GMDS: variants seen among roughly 807,000 people sequenced by gnomAD.
The protein encoded by GMDS is GDP-mannose 4,6 dehydratase.
A neutral mutation model predicts 49.9 loss-of-function variants in GMDS; 20 were observed. That is an observed-to-expected ratio of 0.40 (90% CI 0.28 to 0.58). GMDS has a LOEUF of 0.58. GMDS is among the 20% of genes least tolerant of loss of function. The pLI is 0.42. For synonymous variants in GMDS, 177 were observed against 178.6 expected (o/e 0.99, Z 0.07); for missense variants, 362 against 481.4 (o/e 0.75, Z 2.32).
At chr6:2,122,199 T>C (rs1168184732) in intron 2 of GMDS, among the ~76,000 whole-genome samples, 1 of 152,212 alleles carries the variant, frequency 6.6e-6, no homozygotes, top group East Asian at 1.9e-4. Flanking sequence ...ATCAATCACC[T>C]GATCTCATCT....
At chr6:2,046,073 G>GTC (rs1769995314) in intron 4 of GMDS, among the ~76,000 whole-genome samples, 1 of 152,004 alleles carries the variant, frequency 6.6e-6, no homozygotes, top group Non-Finnish European at 1.5e-5. Context: ...GCCAGGAGTG[G>GTC]TCACACACAC....
intron 9 of GMDS, among the ~76,000 whole-genome samples, chr6:1,641,710 C>T (rs912851249): frequency 6.4e-5 from 9 of 140,150 alleles, no homozygotes; most frequent in Non-Finnish European, 1.5e-5. Context: ...TGATTTCTCT[C>T]TCTCTCTCTC....
At chr6:2,235,571 T>G (rs1199346747) in intron 1 of GMDS, among the ~76,000 whole-genome samples, 1 of 151,546 alleles carries the variant, frequency 6.6e-6, no homozygotes, top group Non-Finnish European at 1.5e-5. Flanking sequence ...TTGGAGAGGT[T>G]GAGATGGTAG....
At chr6:1,960,090 A>G (rs1581423926) in intron 5 of GMDS, 119 bp from the exon 6 acceptor site, 1 of 546,924 alleles carries the variant, frequency 1.8e-6, no homozygotes, top group Admixed American at 3.5e-5. Flanking sequence ...AATACAAAAA[A>G]GTATCAAAAC....
At chr6:2,167,014 C>T (rs888646233) in intron 1 of GMDS, among the ~76,000 whole-genome samples, 1 of 152,194 alleles carries the variant, frequency 6.6e-6, no homozygotes, top group African/African-American at 2.4e-5. Context: ...GTCAGAACTG[C>T]CCAGCAAACC....
intron 9 of GMDS, among the ~76,000 whole-genome samples, chr6:1,675,734 T>C (rs1412588313): frequency 1.3e-5 from 2 of 151,872 alleles, no homozygotes; most frequent in Non-Finnish European, 2.9e-5. Context: ...GTGCCTGTAG[T>C]CCCAGCTACT....
chr6:1,806,569 T>C (rs1336904018), intron 7 of GMDS, among the ~76,000 whole-genome samples: 1 of 152,346 alleles, frequency 6.6e-6, no homozygotes, highest in African/African-American at 2.4e-5. Context: ...GTTTCCACTC[T>C]GTCCATTTTG....
chr6:1,713,250 T>C (rs1052132431), intron 9 of GMDS, among the ~76,000 whole-genome samples: 1 of 152,260 alleles, frequency 6.6e-6, no homozygotes, highest in Non-Finnish European at 1.5e-5. Flanking sequence ...CCTTGGCCAC[T>C]GCGGTCCCTG....
chr6:1,652,625 T>TATATAATATA (rs1491575714), intron 9 of GMDS, among the ~76,000 whole-genome samples: 1 of 3,588 alleles, frequency 2.8e-4, no homozygotes, highest in African/African-American at 7.9e-4. Context: ...ATATATATTA[T>TATATAATATA]TTATATATAA....
intron 4 of GMDS, among the ~76,000 whole-genome samples, chr6:2,064,923 C>A (rs753905729): frequency 6.6e-6 from 1 of 152,054 alleles, no homozygotes; most frequent in South Asian, 2.1e-4. Context: ...AAGCTGGGAA[C>A]AAAAAAGTTA....
intron 4 of GMDS, among the ~76,000 whole-genome samples, chr6:2,080,777 G>A (rs1460474711): frequency 6.6e-6 from 1 of 152,162 alleles, no homozygotes; most frequent in Non-Finnish European, 1.5e-5. Context: ...GTCCAAGCAG[G>A]CCAATTCTTG....
At chr6:2,179,054 A>G (rs60474497) in intron 1 of GMDS, among the ~76,000 whole-genome samples, 231 of 152,344 alleles carry the variant, frequency 1.5e-3, no homozygotes, top group African/African-American at 5.2e-3. Flanking sequence ...GTCCTCAAGA[A>G]TACTATTATG....
In GMDS at chr6:2,167,101, T is replaced by C. The variant is rs537737086; in HGVS notation, c.103-42370A>G. On this transcript the variant is annotated intron_variant, in intron 1 of 10. Transcript: ENST00000380815. ...GAATCATTACACTTTCCCATTTCAG[T>C]AAATTCACCAATGACTTCCTAGATA... 3.3e-5 allele frequency among the ~76,000 whole-genome samples: 5 copies of C among 152,338 alleles called. No individual in the cohort carries two copies. The East Asian group carries it at 9.6e-4, about 29-fold the overall frequency.
intron 7 of GMDS, among the ~76,000 whole-genome samples, chr6:1,797,158 G>A (rs75953905): frequency 1.3e-5 from 2 of 152,192 alleles, no homozygotes; most frequent in African/African-American, 4.8e-5. Flanking sequence ...ATTCTCACAG[G>A]AGCGTGAACC....
At chr6:1,815,977 T>TC (rs1472992339) in intron 7 of GMDS, among the ~76,000 whole-genome samples, 1 of 152,170 alleles carries the variant, frequency 6.6e-6, no homozygotes, top group Non-Finnish European at 1.5e-5. Flanking sequence ...TGACACCAAA[T>TC]CCATTTCCCC....
At chr6:1,637,972 C>A (rs1281271335) in intron 9 of GMDS, among the ~76,000 whole-genome samples, 1 of 152,214 alleles carries the variant, frequency 6.6e-6, no homozygotes. Flanking sequence ...ACCTAGACCA[C>A]CTCCCCTGAG....
intron 4 of GMDS, among the ~76,000 whole-genome samples, chr6:2,113,194 C>T (rs540869852): frequency 6.6e-6 from 1 of 152,184 alleles, no homozygotes; most frequent in Admixed American, 6.5e-5. Context: ...CTTCTGGTCC[C>T]CTGGGCACTG....
At chr6:2,025,825 T>TA (rs1487428872) in intron 4 of GMDS, among the ~76,000 whole-genome samples, 2 of 152,206 alleles carry the variant, frequency 1.3e-5, no homozygotes, top group African/African-American at 4.8e-5. Flanking sequence ...TTCTTAATCC[T>TA]AAAAAACCGA....
chr6:2,015,094 C>T (rs1767806523), intron 4 of GMDS, among the ~76,000 whole-genome samples: 1 of 152,044 alleles, frequency 6.6e-6, no homozygotes, highest in African/African-American at 2.4e-5. Context: ...GAAATAAAGC[C>T]ATTATTAGAG....
Sources: gnomAD v4.1 joint callset for allele counts (sites outside exome capture counted in the v4.1 genomes callset) on GRCh38, gnomAD v4.1.1 for gene constraint, MANE v1.5 for transcripts, NCBI Gene and HGNC (gene_info 2026-07-23, HGNC 2026-07-21) for gene names.